Variants in SLC41A2 observed in about 807,000 individuals in gnomAD.
SLC41A2 encodes the protein SLC41A1-like 1.
SLC41A2 carries 32 observed loss-of-function variants against 58.3 expected under a neutral mutation model. The ratio of observed to expected loss-of-function variants is 0.55; its 90% CI spans 0.41 to 0.74. SLC41A2 has a LOEUF of 0.74. SLC41A2 is among the 30% of genes least tolerant of loss of function. The probability of loss-of-function intolerance (pLI) is 0.00; values close to 1 mark genes in which losing one functional copy is unlikely to be tolerated. For missense variants in SLC41A2, 514 were observed against 680.6 expected (o/e 0.76, Z 2.72); for synonymous variants, 190 against 235.0 (o/e 0.81, Z 1.75).
At chr12:104,878,456 T>G (rs2044174849) in intron 6 of SLC41A2, among the ~76,000 whole-genome samples, 1 of 151,038 alleles carries the variant, frequency 6.6e-6, no homozygotes, top group Non-Finnish European at 1.5e-5. Flanking sequence ...ATGCTATCCC[T>G]CCCCCGTCCC....
chr12:104,911,761 AG>A (rs2046096790), intron 2 of SLC41A2, among the ~76,000 whole-genome samples: 1 of 152,196 alleles, frequency 6.6e-6, no homozygotes, highest in South Asian at 2.1e-4. Context: ...AGAGTTCACA[AG>A]GGAAATCCCT....
Position 104,805,273 on chromosome 12 carries a change from G to C in SLC41A2, c.1601C>G (p.Pro534Arg). 6.2e-7 allele frequency: 1 copy of C among 1,613,836 alleles called. No homozygotes were observed. The highest frequency in any genetic ancestry group is 1.1e-5 in the South Asian group (1 of 91,066). ...VHHFWRKGKD[P>R]DSFSIPYLTA... ...TAGGTAGGGGATGGAGAAACTATCC[G>C]GGTCCTTTCCTTTCCTCCAGAAGTG... The change falls in exon 11 of 11, where the codon CCG becomes CGG. Residue 534 changes from proline to arginine, a missense_variant. Coordinates refer to ENST00000258538, the MANE Select transcript of SLC41A2 (RefSeq NM_001352171.3).
chr12:104,928,369 G>A lies in SLC41A2; in HGVS notation c.159C>T (p.Asn53=), dbSNP rs762306892. 2 of 1,596,896 alleles carry A rather than the reference G, an allele frequency of 1.3e-6. No homozygotes were observed. The highest frequency in any genetic ancestry group is 1.7e-5 in the Admixed American group (1 of 57,346). ...TTGCTTTTTTGTGCCTGTCTTCTTG[G>A]TTTTTCTGGTAAATCACTGGAACCA... ...LSMVPVIYQK[N]QEDRHKKANG... The change falls in exon 2 of 11, where the codon AAC becomes AAT. Residue 53 remains asparagine, a synonymous_variant. Transcript: ENST00000258538.
At chr12:104,883,432 G>T (rs762339651) in intron 6 of SLC41A2, among the ~76,000 whole-genome samples, 51 of 152,190 alleles carry the variant, frequency 3.4e-4, no homozygotes, top group Non-Finnish European at 6.0e-4. Flanking sequence ...TTTCTGCTCT[G>T]GTTTCTCCCC....
At chr12:104,916,570 A>G (rs924761203) in intron 2 of SLC41A2, among the ~76,000 whole-genome samples, 25 of 152,244 alleles carry the variant, frequency 1.6e-4, no homozygotes, top group African/African-American at 5.3e-4. Context: ...CTGACTTCAA[A>G]CTATACTACA....
intron 1 of SLC41A2, among the ~76,000 whole-genome samples, 197 bp downstream of exon 1, chr12:104,957,891 T>C (rs1272136951): frequency 2.0e-5 from 3 of 151,806 alleles, no homozygotes; most frequent in African/African-American, 4.8e-5. Flanking sequence ...CGCGGGGGCC[T>C]GGGCTCGGGC....
intron 8 of SLC41A2, among the ~76,000 whole-genome samples, chr12:104,852,236 G>A (rs952574543): frequency 1.3e-5 from 2 of 152,128 alleles, no homozygotes; most frequent in Non-Finnish European, 1.5e-5. Flanking sequence ...ATTCAGATAC[G>A]TTTTTCAATG....
intron 10 of SLC41A2, among the ~76,000 whole-genome samples, chr12:104,816,172 G>C (rs1298480925): frequency 1.3e-5 from 2 of 152,042 alleles, no homozygotes. Context: ...GGGGCAGCCA[G>C]AAAGGAGAAC....
At chr12:104,954,666 G>A (rs1004846337) in intron 1 of SLC41A2, among the ~76,000 whole-genome samples, 1 of 152,124 alleles carries the variant, frequency 6.6e-6, no homozygotes, top group African/African-American at 2.4e-5. Context: ...TTATAAACCC[G>A]AAATTACCAG....
intron 9 of SLC41A2, among the ~76,000 whole-genome samples, chr12:104,844,872 C>A (rs2042547103): frequency 6.6e-6 from 1 of 152,082 alleles, no homozygotes; most frequent in Admixed American, 6.6e-5. Context: ...ACTTTAATAT[C>A]TATCATAAAA....
chr12:104,952,734 T>G (rs1323697832), intron 1 of SLC41A2, among the ~76,000 whole-genome samples: 2 of 152,218 alleles, frequency 1.3e-5, no homozygotes, highest in Non-Finnish European at 2.9e-5. Context: ...ACTAATTTGC[T>G]TTCACAATCT....
At chr12:104,873,562 TCATG>T (rs1286236112) in intron 6 of SLC41A2, among the ~76,000 whole-genome samples, 1 of 152,096 alleles carries the variant, frequency 6.6e-6, no homozygotes, top group Admixed American at 6.6e-5. Context: ...GATTGCTGAG[TCATG>T]CAGTCATTCT....
intron 2 of SLC41A2, among the ~76,000 whole-genome samples, chr12:104,926,188 G>A (rs780251980): frequency 6.6e-6 from 1 of 152,110 alleles, no homozygotes; most frequent in South Asian, 2.1e-4. Context: ...TTTCCCAGAG[G>A]CAACCTTTCT....
intron 1 of SLC41A2, among the ~76,000 whole-genome samples, chr12:104,934,686 G>A (rs1193673733): frequency 6.6e-6 from 1 of 152,150 alleles, no homozygotes; most frequent in East Asian, 1.9e-4. Flanking sequence ...AACTACAATG[G>A]AATACTATTC....
intron 2 of SLC41A2, among the ~76,000 whole-genome samples, chr12:104,926,056 T>A (rs2046823708): frequency 6.6e-6 from 1 of 152,214 alleles, no homozygotes; most frequent in Non-Finnish European, 1.5e-5. Context: ...TTATGTATAT[T>A]TTCCATTTAG....
chr12:104,817,073 C>T (rs2041440175), intron 10 of SLC41A2, among the ~76,000 whole-genome samples: 1 of 152,170 alleles, frequency 6.6e-6, no homozygotes, highest in Non-Finnish European at 1.5e-5. Context: ...TACCACACAC[C>T]TGGGCTATAT....
chr12:104,863,672 C>G (rs2043297246), intron 7 of SLC41A2, among the ~76,000 whole-genome samples: 1 of 152,070 alleles, frequency 6.6e-6, no homozygotes, highest in South Asian at 2.1e-4. Flanking sequence ...ACCTCTCTTA[C>G]ACTTCCCTCC....
chr12:104,928,309 T>C lies in SLC41A2; in HGVS notation c.219A>G (p.Val73=). The change falls in exon 2 of 11, where the codon GTA becomes GTG. Residue 73 remains valine, a synonymous_variant. Coordinates refer to ENST00000258538, the MANE Select transcript of SLC41A2 (RefSeq NM_001352171.3). ...GCTCAGATCTATTACTAAAAGTCTG[T>C]ACTGCAGTTGATAATCCATCTTGCC... ...GIWQDGLSTA[V]QTFSNRSEQH... is the part of the protein sequence containing the mutation. 6.2e-7 allele frequency: 1 copy of C among 1,613,514 alleles called. No individual in the cohort carries two copies. Among genetic ancestry groups the C allele is most frequent in the South Asian group, 1.1e-5 (1 of 90,976 alleles).
chr12:104,852,179 A>G (rs2042826773), intron 8 of SLC41A2, among the ~76,000 whole-genome samples: 1 of 152,246 alleles, frequency 6.6e-6, no homozygotes, highest in African/African-American at 2.4e-5. Context: ...TCAAAAGGAA[A>G]AGAATCTAAT....
Sources: gnomAD v4.1 joint callset for allele counts (sites outside exome capture counted in the v4.1 genomes callset) on GRCh38, gnomAD v4.1.1 for gene constraint, MANE v1.5 for transcripts, NCBI Gene and HGNC (gene_info 2026-07-23, HGNC 2026-07-21) for gene names.